SPATA33: variants seen among roughly 807,000 people sequenced by gnomAD.
The protein encoded by SPATA33 is spermatogenesis-associated protein 33.
SPATA33 carries 10 observed loss-of-function variants against 8.9 expected under a neutral mutation model. The ratio of observed to expected loss-of-function variants is 1.12; its 90% CI spans 0.69 to 1.90. The LOEUF is 1.90. Among genes scored for constraint, SPATA33 ranks in the 40% most tolerant of loss-of-function variants. The pLI is 0.00. For synonymous variants in SPATA33, 96 were observed against 72.8 expected (o/e 1.32, Z -1.63); for missense variants, 241 against 178.3 (o/e 1.35, Z -2.00).
At chr16:89,662,858 A>G (rs948938853) in intron 2 of SPATA33, among the ~76,000 whole-genome samples, 1 of 152,030 alleles carries the variant, frequency 6.6e-6, no homozygotes, top group African/African-American at 2.4e-5. Flanking sequence ...CAGTGGCACA[A>G]TCTTGGCTCA....
At chr16:89,666,479 A>G (rs977588239) in intron 2 of SPATA33, among the ~76,000 whole-genome samples, 3 of 152,200 alleles carry the variant, frequency 2.0e-5, no homozygotes, top group African/African-American at 4.8e-5. Flanking sequence ...CCTGGGCAAC[A>G]TGGCAAAACC....
At chr16:89,660,320 A>G (rs571817253) in intron 2 of SPATA33, 254 of 480,202 alleles carry the variant, frequency 5.3e-4, no homozygotes, top group African/African-American at 4.7e-3. Flanking sequence ...CAATGGTGCA[A>G]ATTCACCAGG....
chr16:89,665,036 C>T (rs980885846), intron 2 of SPATA33, among the ~76,000 whole-genome samples: 2 of 152,188 alleles, frequency 1.3e-5, no homozygotes, highest in African/African-American at 4.8e-5. Context: ...GATGGTCTCA[C>T]CCAGGCTGGA....
At chr16:89,662,137 C>A (rs945260887) in intron 2 of SPATA33, among the ~76,000 whole-genome samples, 1 of 151,678 alleles carries the variant, frequency 6.6e-6, no homozygotes, top group African/African-American at 2.4e-5. Context: ...ACAAAAAATA[C>A]AAAAAAATTA....
At chr16:89,658,481 G>A (rs773033720) in intron 2 of SPATA33, 60 bp downstream of exon 2, 2 of 1,542,694 alleles carry the variant, frequency 1.3e-6, no homozygotes, top group Admixed American at 2.0e-5. Flanking sequence ...TGGGGCTGGG[G>A]TGAGGAGCCT....
In SPATA33 at chr16:89,658,317, C is replaced by T. The variant is rs773748580; in HGVS notation, c.107C>T (p.Ser36Phe). The T allele has an allele frequency of 3.1e-6, 5 of 1,614,122 alleles. No homozygotes were observed. In the South Asian group the frequency reaches 4.4e-5, roughly 14 times the overall value. Residue 36 changes from serine to phenylalanine, a missense_variant, in exon 2 of 3, where the codon TCC becomes TTC. Coordinates refer to ENST00000579310, the MANE Select transcript of SPATA33 (RefSeq NM_001271907.2). ...AAGGAGAAGTTGATGGAGAAGCATTCCCAGGAAGCCAGGCAGGCAGACAGG... is the reference window on the plus strand; with the variant it reads ...AAGGAGAAGTTGATGGAGAAGCATTTCCAGGAAGCCAGGCAGGCAGACAGG... ...KSKEKLMEKH[S>F]QEARQADRES...
rs142896622 is a variant in SPATA33 at position 89,660,221 on chromosome 16, C to T, written c.211+1800C>T. The T allele has an allele frequency of 3.8e-3, 1,098 of 285,198 alleles. 5 individuals carry two copies. The highest frequency in any genetic ancestry group is 5.0e-3 in the Non-Finnish European group (771 of 153,986). The allele number at this position is 285,198 out of a possible 1,614,324, so 17.7% of individuals were successfully genotyped here. The stretch of plus-strand genomic sequence containing the variant: ...CCCCCACACGCAGGCAGGACTGCAT[C>T]TACTGCAAAGGCATTGCTCCTTGCT... On this transcript the variant is annotated intron_variant, in intron 2 of 2. Transcript: ENST00000579310.
chr16:89,660,521 G>A, intron 2 of SPATA33: 1 of 1,231,870 alleles, frequency 8.1e-7, no homozygotes, highest in Non-Finnish European at 1.0e-6. Context: ...AAAATGAAGT[G>A]TGCACGCTCT....
chr16:89,669,233 G>A (rs549256445), intron 2 of SPATA33, 53 bp from the exon 3 acceptor site: 52 of 1,549,238 alleles, frequency 3.4e-5, no homozygotes, highest in South Asian at 7.8e-5. Flanking sequence ...TGTGTGCATC[G>A]TGGAAGGAGC....
intron 2 of SPATA33, among the ~76,000 whole-genome samples, chr16:89,663,085 C>T (rs1275582805): frequency 7.9e-5 from 12 of 152,054 alleles, no homozygotes; most frequent in Admixed American, 7.9e-4. Context: ...AGCCACCACG[C>T]CCGGCCTGTA....
chr16:89,670,030 G>GCCTTCCCCAGAGCTGCTAGCAGCTC lies in SPATA33; in HGVS notation c.*533_*534insCCTTCCCCAGAGCTGCTAGCAGCTC, dbSNP rs2151537018. On this transcript the variant is annotated 3_prime_UTR_variant, in exon 3 of 3. Coordinates refer to ENST00000579310, the MANE Select transcript of SPATA33 (RefSeq NM_001271907.2). ...CCATGGCCCCTTCTCCAGTGCTTTT[G>GCCTTCCCCAGAGCTGCTAGCAGCTC]GGGAGGGTGCACCAGGGCCACCCCA... 1 of 130,832 alleles carries GCCTTCCCCAGAGCTGCTAGCAGCTC rather than the reference G, an allele frequency of 7.6e-6. No individual in the cohort carries two copies. Among genetic ancestry groups the GCCTTCCCCAGAGCTGCTAGCAGCTC allele is most frequent in the East Asian group, 2.3e-4 (1 of 4,266 alleles). The allele number at this position is 130,832 out of a possible 1,614,324, so 8.1% of individuals were successfully genotyped here. A position where few individuals can be genotyped will look rare whatever the true frequency, so the allele number is the denominator to read the frequency against.
At chr16:89,664,354 A>T (rs371890841) in intron 2 of SPATA33, among the ~76,000 whole-genome samples, 1 of 472 alleles carries the variant, frequency 2.1e-3, no homozygotes, top group African/African-American at 3.0e-3. Context: ...GGCAGGACTC[A>T]AGACAGCCCA....
At chr16:89,658,572 T>A in intron 2 of SPATA33, 151 bp downstream of exon 2, 2 of 978,746 alleles carry the variant, frequency 2.0e-6, no homozygotes, top group Non-Finnish European at 2.9e-6. Context: ...GAACTTTATG[T>A]AGGAGGTAAA....
rs1456172645 is a variant in SPATA33, at chr16:89,669,511, C to T, written c.*14C>T. The T allele has an allele frequency of 1.2e-6, 2 of 1,611,256 alleles. No individual in the cohort carries two copies. Among genetic ancestry groups the T allele is most frequent in the Admixed American group, 1.7e-5 (1 of 60,002 alleles). On this transcript the variant is annotated 3_prime_UTR_variant, in exon 3 of 3. Transcript: ENST00000579310. ...CTCAAAGAATAAACAAGCACCTTTG[C>T]ATGGCACTCGCTACTCCCTGCGATA...
chr16:89,665,579 G>A (rs2060016347), intron 2 of SPATA33, among the ~76,000 whole-genome samples: 1 of 151,944 alleles, frequency 6.6e-6, no homozygotes. Flanking sequence ...CTCCCAAGGT[G>A]CTGGGATTAC....
At chr16:89,665,037 C>G (rs926809263) in intron 2 of SPATA33, among the ~76,000 whole-genome samples, 20 of 152,138 alleles carry the variant, frequency 1.3e-4, no homozygotes, top group African/African-American at 4.8e-4. Flanking sequence ...ATGGTCTCAC[C>G]CAGGCTGGAG....
At chr16:89,665,811 T>C (rs2060018603) in intron 2 of SPATA33, among the ~76,000 whole-genome samples, 1 of 152,154 alleles carries the variant, frequency 6.6e-6, no homozygotes, top group African/African-American at 2.4e-5. Context: ...CCAAGTGTAG[T>C]GATTCACGCC....
At chr16:89,661,031 G>T in intron 2 of SPATA33, 1 of 989,402 alleles carries the variant, frequency 1.0e-6, no homozygotes. Context: ...ACAACCACAC[G>T]TGATACCTGT....
At chr16:89,663,752 G>A (rs758988490) in intron 2 of SPATA33, among the ~76,000 whole-genome samples, 11 of 152,202 alleles carry the variant, frequency 7.2e-5, no homozygotes, top group East Asian at 3.9e-4. Flanking sequence ...ATTAAATGGC[G>A]TAGCTGTACA....
Sources: allele counts gnomAD v4.1 joint callset (sites outside exome capture counted in the v4.1 genomes callset), GRCh38; gene constraint gnomAD v4.1.1; transcripts MANE v1.5; gene names NCBI Gene and HGNC (gene_info 2026-07-23, HGNC 2026-07-21).